ADAMTS13: variants seen among roughly 807,000 people sequenced by gnomAD.
ADAMTS13 encodes the protein ADAM metallopeptidase with thrombospondin type 1 motif 13.
In ADAMTS13, 110 loss-of-function variants were observed where a neutral mutation model predicts 155.1. That is an observed-to-expected ratio of 0.71 (90% confidence interval 0.61 to 0.83). ADAMTS13 has a LOEUF of 0.83. Among genes scored for constraint, ADAMTS13 ranks in the 40% least tolerant of loss-of-function variants. The pLI is 0.00. For missense variants in ADAMTS13, 1,707 were observed against 1,891.7 expected, an observed-to-expected ratio of 0.90 and a Z score of 1.81; for synonymous variants, 758 against 756.4, an observed-to-expected ratio of 1.00 and a Z score of -0.03.
intron 23 of ADAMTS13, among the ~76,000 whole-genome samples, chr9:133,452,981 A>T (rs1842524599): frequency 6.6e-6 from 1 of 152,096 alleles, no homozygotes; most frequent in Admixed American, 6.5e-5. Flanking sequence ...CCACAACTCC[A>T]AAGTGGCCCA....
upstream of ADAMTS13, chr9:133,417,631 C>T (rs1839739773): frequency 6.2e-7 from 1 of 1,613,678 alleles, no homozygotes; most frequent in African/African-American, 1.3e-5. Flanking sequence ...TCTTGCAGCG[C>T]CTTCCAGTTT....
chr9:133,456,153 G>T lies in ADAMTS13; in HGVS notation c.3485G>T (p.Gly1162Val). The change falls in exon 26 of 29, where the codon GGG (glycine) becomes GTG (valine). Residue 1162 changes from glycine to valine, a missense_variant. This residue lies in a region of ADAMTS13 where 961 missense variants were observed against 1,107.9 expected (regional missense o/e 0.87). Transcript: ENST00000355699. This position sits in a 1 kb window ranked among gnomAD's most constrained non-coding sequence, Gnocchi z 4.4. ...PGQADCAVAI[G>V]RPLGEVVTLR... The stretch of plus-strand genomic sequence containing the variant: ...CAGGCAGACTGTGCAGTGGCCATTG[G>T]GCGGCCCCTCGGGGAGGTGGTGACC... 1 of 1,613,552 alleles carries T rather than the reference G, an allele frequency of 6.2e-7. No homozygotes were observed. The highest frequency in any genetic ancestry group is 8.5e-7 in the Non-Finnish European group (1 of 1,180,048).
chr9:133,442,269 C>G (rs1564428241), intron 16 of ADAMTS13, 130 bp from the exon 17 acceptor site: 2 of 1,431,880 alleles, frequency 1.4e-6, no homozygotes, highest in Non-Finnish European at 2.0e-6. Flanking sequence ...CCGTGCCTGG[C>G]CAGTGATTGC....
At position 133,424,923 on chromosome 9, in the gene ADAMTS13, AT is replaced by A. The variant is rs1403441666; in HGVS notation, c.330+446del. Reference sequence around the variant, plus strand: ...TAAACAGAGACTGCTGGCAAAGGAGATGCCCACCTTCATTTCTTGCTAGCAC... The same window carrying A: ...TAAACAGAGACTGCTGGCAAAGGAGAGCCCACCTTCATTTCTTGCTAGCAC... On this transcript the variant is annotated intron_variant, in intron 3 of 28. Coordinates refer to ENST00000355699, the MANE Select transcript of ADAMTS13 (RefSeq NM_139027.6). The surrounding 1 kb of genome is among the most constrained non-coding windows in gnomAD (Gnocchi z 4.3). Among the ~76,000 whole-genome samples, 2 of 152,106 alleles carry A rather than the reference AT, an allele frequency of 1.3e-5. No homozygotes were observed. The highest frequency in any genetic ancestry group is 3.9e-4 in the East Asian group (2 of 5,186).
intron 13 of ADAMTS13, 27 bp from the exon 14 acceptor site, chr9:133,438,219 G>A (rs375772736): frequency 1.9e-6 from 3 of 1,614,044 alleles, no homozygotes; most frequent in South Asian, 2.2e-5. Context: ...CCAGTGACAC[G>A]GGCCCTCTGT....
exon 1 of ADAMTS13, chr9:133,414,577 G>A (rs1554781058): frequency 1.1e-5 from 12 of 1,122,734 alleles, no homozygotes; most frequent in East Asian, 2.3e-5. Context: ...TGGAGAGACT[G>A]CGGTGAGGCC....
In ADAMTS13 at chr9:133,449,973, A is replaced by C. The variant is rs886063636; in HGVS notation, c.3044+8A>C. The C allele has an allele frequency of 3.6e-5, 58 of 1,591,672 alleles. No individual in the cohort carries two copies. The highest frequency in any genetic ancestry group is 4.6e-5 in the Non-Finnish European group (54 of 1,171,734). Reference sequence around the variant, plus strand: ...GGAGCCCTGCCCACCTAGGTGAGTCAGCCGGTGATGGGAGGGGCAGCTCCT... The same window carrying C: ...GGAGCCCTGCCCACCTAGGTGAGTCCGCCGGTGATGGGAGGGGCAGCTCCT... On this transcript the variant is annotated splice_region_variant and intron_variant, in intron 23 of 28. Coordinates refer to ENST00000355699, the MANE Select transcript of ADAMTS13 (RefSeq NM_139027.6).
At chr9:133,446,644 C>T (rs979215387) in intron 21 of ADAMTS13, among the ~76,000 whole-genome samples, 7 of 152,146 alleles carry the variant, frequency 4.6e-5, no homozygotes, top group Non-Finnish European at 1.0e-4. Context: ...CATGGGTGTG[C>T]AAATATCTGT....
At chr9:133,451,399 A>G (rs1014052084) in intron 23 of ADAMTS13, among the ~76,000 whole-genome samples, 1 of 152,166 alleles carries the variant, frequency 6.6e-6, no homozygotes, top group Non-Finnish European at 1.5e-5. Context: ...CTGGGAATAC[A>G]GGCACCCACA....
At chr9:133,415,056 T>C (rs1554781276) in intron 1 of ADAMTS13, 2 of 1,512,630 alleles carry the variant, frequency 1.3e-6, no homozygotes, top group Non-Finnish European at 1.8e-6. Flanking sequence ...ATTTGGAAAT[T>C]ACACACAGCA....
At position 133,455,206 on chromosome 9, in the gene ADAMTS13, A is replaced by G. The variant is rs1416362770; in HGVS notation, c.3250-79A>G. 39 of 1,448,492 alleles carry G rather than the reference A, an allele frequency of 2.7e-5. No homozygotes were observed. The East Asian group carries it at 8.2e-4, about 30-fold the overall frequency. 89.7% of individuals were successfully genotyped at this position (1,448,492 alleles called of 1,614,324 possible). On this transcript the variant is annotated intron_variant, in intron 24 of 28. Coordinates refer to ENST00000355699, the MANE Select transcript of ADAMTS13 (RefSeq NM_139027.6). ...GCTTGTACAAGGATTATATTGGATC[A>G]CTCCTGGCCTGTGGTTACCACTGTC...
Position 133,445,796 on chromosome 9 carries a change from C to T in ADAMTS13, c.2708C>T (p.Ser903Leu), listed in dbSNP as rs78977446. ...CACGTGTGGACCCCTGCGGCAGGGT[C>T]GTGCTCCGTCTCCTGCGGGCGAGGT... ...AAHVWTPAAG[S>L]CSVSCGRGLM... is the part of the protein sequence containing the mutation. The change falls in exon 21 of 29, where the codon TCG becomes TTG. Residue 903 changes from serine to leucine, a missense_variant. Around this residue, in one of 3 missense-constraint regions of ADAMTS13, gnomAD observed 961 missense variants for 1,107.9 expected, o/e 0.87. Transcript: ENST00000355699. This position sits in a 1 kb window ranked among gnomAD's most constrained non-coding sequence, Gnocchi z 5.0. 2,194 of 1,590,318 alleles carry T rather than the reference C, an allele frequency of 1.4e-3. 46 individuals are homozygous for T. The East Asian group carries it at 0.044, about 32-fold the overall frequency.
In ADAMTS13 at chr9:133,445,958, A is replaced by C; in HGVS notation, c.2731+139A>C. On this transcript the variant is annotated intron_variant, in intron 21 of 28. Transcript: ENST00000355699. This position sits in a 1 kb window ranked among gnomAD's most constrained non-coding sequence, Gnocchi z 5.0. ...ATATGGGAACACGTGGTAATACACAAGGAGACTAAGCATAGTAGCTGACAG... is the reference window on the plus strand; with the variant it reads ...ATATGGGAACACGTGGTAATACACACGGAGACTAAGCATAGTAGCTGACAG... 8.0e-7 allele frequency: 1 copy of C among 1,252,694 alleles called. No individual in the cohort carries two copies. The highest frequency in any genetic ancestry group is 1.1e-6 in the Non-Finnish European group (1 of 935,742). The allele number at this position is 1,252,694 out of a possible 1,614,324, so 77.6% of individuals were successfully genotyped here.
At chr9:133,439,284 C>CGACCA in intron 14 of ADAMTS13, 82 bp from the exon 15 acceptor site, 3 of 1,135,582 alleles carry the variant, frequency 2.6e-6, no homozygotes, top group Non-Finnish European at 4.0e-6. Context: ...CAATTTTTCC[C>CGACCA]GACCAGCTAA....
At position 133,442,458 on chromosome 9, in the gene ADAMTS13, C is replaced by T; in HGVS notation, c.2028C>T (p.Thr676=). Residue 676 remains threonine (T), a synonymous_variant, in exon 17 of 29, where the codon ACC becomes ACT. Transcript: ENST00000355699. ...TCACCCGCCCAGACATCACCTTCAC[C>T]TACTTCCAGCCTAAGCCACGGCAGG... ...GNLTRPDITF[T]YFQPKPRQAW... The T allele has an allele frequency of 6.2e-7, 1 of 1,613,924 alleles. No individual in the cohort carries two copies. Among genetic ancestry groups the T allele is most frequent in the East Asian group, 2.2e-5 (1 of 44,890 alleles).
chr9:133,419,721 C>T (rs1185379572), upstream of ADAMTS13, among the ~76,000 whole-genome samples: 3 of 152,060 alleles, frequency 2.0e-5, no homozygotes, highest in East Asian at 1.9e-4. Context: ...GTCAGCAAGT[C>T]CACCGAAAAG....
At chr9:133,416,676 A>G (rs987989675) in intron 1 of ADAMTS13, among the ~76,000 whole-genome samples, 4 of 152,220 alleles carry the variant, frequency 2.6e-5, no homozygotes, top group African/African-American at 9.6e-5. Context: ...GTCACTAGGG[A>G]GACAGCAGGT....
At position 133,445,579 on chromosome 9, in the gene ADAMTS13, G is replaced by A; in HGVS notation, c.2611-120G>A. ...TCTCGCCAAGGGAGGAGGGGAGGGA[G>A]CCCCTGGTGCACACACGCCACTTCC... On this transcript the variant is annotated intron_variant, in intron 20 of 28. Transcript: ENST00000355699. The surrounding 1 kb of genome is among the most constrained non-coding windows in gnomAD (Gnocchi z 5.0). 1 of 1,498,814 alleles carries A rather than the reference G, an allele frequency of 6.7e-7. No homozygotes were observed. Among genetic ancestry groups the A allele is most frequent in the Non-Finnish European group, 9.2e-7 (1 of 1,088,456 alleles). 92.8% of individuals were successfully genotyped at this position (1,498,814 alleles called of 1,614,324 possible). A position where few individuals can be genotyped will look rare whatever the true frequency, so the allele number is the denominator to read the frequency against.
Position 133,445,499 on chromosome 9 carries a change from GC to G in ADAMTS13, c.2611-198del, listed in dbSNP as rs1333293854. 6.6e-6 allele frequency among the ~76,000 whole-genome samples: 1 copy of G among 152,214 alleles called. No homozygotes were observed. The highest frequency in any genetic ancestry group is 1.5e-5 in the Non-Finnish European group (1 of 68,014). The stretch of plus-strand genomic sequence containing the variant: ...CAGTGAGCACTCATGCTGCTGAGGA[GC>G]CTGCAAAGGTGGGGTGTGCAGCAAG... On this transcript the variant is annotated intron_variant, in intron 20 of 28. Transcript: ENST00000355699. The surrounding 1 kb of genome is among the most constrained non-coding windows in gnomAD (Gnocchi z 5.0).
Sources: allele counts gnomAD v4.1 joint callset (sites outside exome capture counted in the v4.1 genomes callset), GRCh38; gene constraint gnomAD v4.1.1; regional missense constraint gnomAD v4.1.1; non-coding constraint Gnocchi (gnomAD v3.1); transcripts MANE v1.5; gene names NCBI Gene and HGNC (gene_info 2026-07-23, HGNC 2026-07-21).